Variants in TIMELESS observed in about 807,000 individuals in gnomAD.
The protein encoded by TIMELESS is timeless circadian regulator, also known as protein timeless homolog.
A neutral mutation model predicts 164.3 loss-of-function variants in TIMELESS; 124 were observed. The ratio of observed to expected loss-of-function variants is 0.75; its 90% CI spans 0.65 to 0.88. The LOEUF is 0.88. Ranked by LOEUF, TIMELESS falls within the 40% of genes least tolerant of loss-of-function variation. The probability of loss-of-function intolerance (pLI) is 0.00; values close to 1 mark genes in which losing one functional copy is unlikely to be tolerated. For missense variants in TIMELESS, 1,422 were observed against 1,491.4 expected, an observed-to-expected ratio of 0.95 and a Z score of 0.77; for synonymous variants, 564 against 563.4, an observed-to-expected ratio of 1.00 and a Z score of -0.02.
In TIMELESS at chr12:56,431,368, A is replaced by C. The variant is rs540962727; in HGVS notation, c.821+103T>G. 522 of 1,407,492 alleles carry C rather than the reference A, an allele frequency of 3.7e-4. No homozygotes were observed. In the South Asian group the frequency reaches 6.4e-3, roughly 17 times the overall value. 87.2% of individuals were successfully genotyped at this position (1,407,492 alleles called of 1,614,324 possible). ...AAATTCTGTCTCAAAAAAAAAAAAA[A>C]AAAACACTAAAATGTTGTTCAATCA... On this transcript the variant is annotated intron_variant, in intron 8 of 28. Transcript: ENST00000553532.
chr12:56,419,158 A>AT (rs1881370526), intron 26 of TIMELESS, among the ~76,000 whole-genome samples: 2 of 151,848 alleles, frequency 1.3e-5, no homozygotes, highest in South Asian at 2.1e-4. Flanking sequence ...CACCGGGCTA[A>AT]TTTTTGTATT....
In TIMELESS at chr12:56,417,502, GGCATACCGAT is replaced by G; in HGVS notation, c.*204_*213del. On this transcript the variant is annotated 3_prime_UTR_variant, in exon 29 of 29. Transcript: ENST00000553532. ...AACTAAATCTCCAGAGAGCTGCTGGGGCATACCGATAAAAACTGGGAGAAACAAAGACTGA... is the reference window on the plus strand; with the variant it reads ...AACTAAATCTCCAGAGAGCTGCTGGGAAAAACTGGGAGAAACAAAGACTGA... 1 of 561,618 alleles carries G rather than the reference GGCATACCGAT, an allele frequency of 1.8e-6. No individual in the cohort carries two copies. The allele number at this position is 561,618 out of a possible 1,614,324, so 34.8% of individuals were successfully genotyped here.
rs1036564218 is a variant in TIMELESS, at chr12:56,420,957, C to T, written c.3040+6G>A. The T allele has an allele frequency of 9.3e-6, 15 of 1,614,032 alleles. No homozygotes were observed. Among genetic ancestry groups the T allele is most frequent in the East Asian group, 4.5e-5 (2 of 44,904 alleles). On this transcript the variant is annotated splice_donor_region_variant and intron_variant, in intron 24 of 28. Transcript: ENST00000553532. ...CTGAGACATCTCTCCCAGCCAAAGT[C>T]CTCACCTTCCTGATGCAGGCTTTGA...
At position 56,422,013 on chromosome 12, in the gene TIMELESS, T is replaced by G; in HGVS notation, c.2528A>C (p.Gln843Pro). 6.2e-7 allele frequency: 1 copy of G among 1,614,112 alleles called. No homozygotes were observed. The highest frequency in any genetic ancestry group is 8.5e-7 in the Non-Finnish European group (1 of 1,180,022). The change falls in exon 21 of 29, where the codon CAG becomes CCG. Residue 843 changes from glutamine (Q) to proline (P), a missense_variant. Physicochemically the swap from Gln to Pro is moderately conservative, Grantham distance 76. Transcript: ENST00000553532. ...GGCCAAGATGGCTTCCACCACATCC[T>G]GCCCTGGCGTGGGGAAGGACTAAGG... ...LYLANKDVEG[Q>P]DVVEAILAHL...
intron 23 of TIMELESS, 93 bp from the exon 24 acceptor site, chr12:56,421,227 G>A (rs1014383587): frequency 1.1e-5 from 18 of 1,587,196 alleles, no homozygotes; most frequent in Middle Eastern, 3.5e-4. Context: ...ACCCCCCCGC[G>A]CCTGCTCTCT....
chr12:56,417,473 A>C lies in TIMELESS; in HGVS notation c.*243T>G. ...ACCAAAAGAAATGGTTCCTAGAAGA[A>C]GAGAACTAAATCTCCAGAGAGCTGC... On this transcript the variant is annotated 3_prime_UTR_variant, in exon 29 of 29. Coordinates refer to ENST00000553532, the MANE Select transcript of TIMELESS (RefSeq NM_003920.5). 1 of 483,962 alleles carries C rather than the reference A, an allele frequency of 2.1e-6. No homozygotes were observed. Among genetic ancestry groups the C allele is most frequent in the Non-Finnish European group, 3.7e-6 (1 of 271,374 alleles). 30.0% of individuals were successfully genotyped at this position (483,962 alleles called of 1,614,324 possible). A position where few individuals can be genotyped will look rare whatever the true frequency, so the allele number is the denominator to read the frequency against.
intron 1 of TIMELESS, among the ~76,000 whole-genome samples, chr12:56,436,820 T>C (rs568483864): frequency 9.2e-5 from 14 of 152,346 alleles, no homozygotes; most frequent in African/African-American, 2.6e-4. Flanking sequence ...GTAAAAATCA[T>C]AAACCAGTCC....
intron 1 of TIMELESS, among the ~76,000 whole-genome samples, chr12:56,447,195 T>G (rs1056371105): frequency 4.8e-4 from 71 of 147,250 alleles, no homozygotes; most frequent in East Asian, 9.9e-4. Context: ...TTTTTTTTTT[T>G]TTTTTTTTTT....
At chr12:56,430,339 C>T in intron 9 of TIMELESS, 58 bp from the exon 10 acceptor site, 1 of 1,537,550 alleles carries the variant, frequency 6.5e-7, no homozygotes, top group Non-Finnish European at 8.8e-7. Flanking sequence ...CCCCTTGCAG[C>T]TCTCGTCAAT....
intron 1 of TIMELESS, among the ~76,000 whole-genome samples, 197 bp downstream of exon 1, chr12:56,449,113 G>A (rs1300124268): frequency 2.6e-5 from 4 of 152,388 alleles, no homozygotes; most frequent in East Asian, 1.9e-4. Context: ...CCCGCGTCCG[G>A]TGAGACCCGG....
Position 56,418,376 on chromosome 12 carries a change from G to C in TIMELESS, c.3229-17C>G. 6.3e-7 allele frequency: 1 copy of C among 1,577,836 alleles called. No individual in the cohort carries two copies. The highest frequency in any genetic ancestry group is 8.6e-7 in the Non-Finnish European group (1 of 1,160,002). On this transcript the variant is annotated splice_polypyrimidine_tract_variant and intron_variant, in intron 26 of 28. Coordinates refer to ENST00000553532, the MANE Select transcript of TIMELESS (RefSeq NM_003920.5). ...GAAGGTTTCCTACAGGGGCCAAAAA[G>C]TTGAAAAGGGAAAGGACCAGCTTTT...
At position 56,417,790 on chromosome 12, in the gene TIMELESS, T is replaced by C. The variant is rs1005726538; in HGVS notation, c.3557-4A>G. 1.9e-6 allele frequency: 3 copies of C among 1,614,164 alleles called. No individual in the cohort carries two copies. The highest frequency in any genetic ancestry group is 2.5e-6 in the Non-Finnish European group (3 of 1,180,024). On this transcript the variant is annotated splice_region_variant and splice_polypyrimidine_tract_variant and intron_variant, in intron 28 of 28. Coordinates refer to ENST00000553532, the MANE Select transcript of TIMELESS (RefSeq NM_003920.5). ...CCTGGAGCTCCCAACTCTGGTGCTG[T>C]GGGAACGATGGGGGTGAGAGAGAGA...
rs1881745769 is a variant in TIMELESS at position 56,428,368 on chromosome 12, G to C, written c.1446C>G (p.Phe482Leu). 6.2e-7 allele frequency: 1 copy of C among 1,613,096 alleles called. No homozygotes were observed. The highest frequency in any genetic ancestry group is 2.2e-5 in the East Asian group (1 of 44,858). The change falls in exon 13 of 29, where the codon TTC becomes TTG. Residue 482 changes from phenylalanine (F) to leucine (L), a missense_variant. Physicochemically the swap from Phe to Leu is conservative, Grantham distance 22. Coordinates refer to ENST00000553532, the MANE Select transcript of TIMELESS (RefSeq NM_003920.5). ...IFYVMEYREL[F>L]LALFRKFDER... is the part of the protein sequence containing the mutation. The stretch of plus-strand genomic sequence containing the variant: ...CATCAAACTTTCGAAAAAGTGCCAG[G>C]AATAGTTCTCGGTACTCCATCACAT...
At chr12:56,424,581 T>A (rs1881609696) in intron 15 of TIMELESS, among the ~76,000 whole-genome samples, 181 bp downstream of exon 15, 1 of 152,244 alleles carries the variant, frequency 6.6e-6, no homozygotes, top group Non-Finnish European at 1.5e-5. Context: ...CTATGCTTTT[T>A]TAATGTTTTT....
rs1370855744 is a variant in TIMELESS, at chr12:56,430,200, G to A, written c.991C>T (p.Gln331Ter). 14 of 1,613,996 alleles carry A rather than the reference G, an allele frequency of 8.7e-6. No homozygotes were observed. The highest frequency in any genetic ancestry group is 1.1e-5 in the Non-Finnish European group (13 of 1,180,020). The stretch of plus-strand genomic sequence containing the variant: ...CTCACATTGAGGGCAGAACGGCGCT[G>A]AATGGACAGCTCTCGGGCGGCCTGG... ...RRQAARELSI[Q>*]RRSALNVRLF... Residue 331 changes from glutamine to a stop codon, truncating the protein, a stop_gained, in exon 10 of 29, where the codon CAG becomes TAG. Coordinates refer to ENST00000553532, the MANE Select transcript of TIMELESS (RefSeq NM_003920.5). LOFTEE classifies it high-confidence loss of function.
At chr12:56,432,935 CAGAG>C in intron 6 of TIMELESS, 87 bp downstream of exon 6, 1 of 893,456 alleles carries the variant, frequency 1.1e-6, no homozygotes, top group Non-Finnish European at 1.6e-6. Flanking sequence ...AGCCTGGCGA[CAGAG>C]AGAGACTCCG....
At chr12:56,437,391 T>C (rs573216648) in intron 1 of TIMELESS, among the ~76,000 whole-genome samples, 1 of 150,880 alleles carries the variant, frequency 6.6e-6, no homozygotes, top group East Asian at 1.9e-4. Context: ...CTTTTCCTAG[T>C]ACACTCAAGT....
chr12:56,424,737 G>A, intron 15 of TIMELESS, 25 bp downstream of exon 15: 1 of 1,609,412 alleles, frequency 6.2e-7, no homozygotes. Context: ...CAAAGCCCAA[G>A]AGGATGAGCA....
In TIMELESS at chr12:56,428,286, G is replaced by T. The variant is rs748387337; in HGVS notation, c.1528C>A (p.Leu510Ile). The T allele has an allele frequency of 2.5e-6, 4 of 1,612,436 alleles. No individual in the cohort carries two copies. The highest frequency in any genetic ancestry group is 2.5e-6 in the Non-Finnish European group (3 of 1,178,854). ...CGACAGAATCGCTCCAACATTTTGA[G>T]GAAGAGGTGGGTGGTCTCCACCAGG... is the stretch of plus-strand genomic sequence containing the variant. ...RDLVETTHLF[L>I]KMLERFCRSR... The change falls in exon 13 of 29, where the codon CTC becomes ATC. Residue 510 changes from leucine (L) to isoleucine (I), a missense_variant. By Grantham distance (5) the Leu-to-Ile change is conservative. Coordinates refer to ENST00000553532, the MANE Select transcript of TIMELESS (RefSeq NM_003920.5).
Sources: gnomAD v4.1 joint callset for allele counts (sites outside exome capture counted in the v4.1 genomes callset) on GRCh38, gnomAD v4.1.1 for gene constraint, MANE v1.5 for transcripts, NCBI Gene and HGNC (gene_info 2026-07-23, HGNC 2026-07-21) for gene names.